FADS2: variants seen among roughly 807,000 people sequenced by gnomAD.
FADS2 encodes acyl-CoA 6-desaturase.
Under a neutral mutation model 61.2 loss-of-function variants are expected in FADS2, and 18 were observed. The ratio of observed to expected loss-of-function variants is 0.29; its 90% CI spans 0.20 to 0.44. FADS2 has a LOEUF of 0.44. Ranked by LOEUF, FADS2 falls within the 20% of genes least tolerant of loss-of-function variation. The pLI is 1.00. For synonymous variants in FADS2, 203 were observed against 223.9 expected, an observed-to-expected ratio of 0.91 and a Z score of 0.83; for missense variants, 322 against 572.7, an observed-to-expected ratio of 0.56 and a Z score of 4.47.
chr11:61,816,919 C>T lies in FADS2; in HGVS notation c.141+493C>T, dbSNP rs2066991209. ...GGGCAGACCGGCGGGCCTCGCAGCGCGCGTTCCCATTGGCCGAGCCTCGTG... is the reference window on the plus strand; with the variant it reads ...GGGCAGACCGGCGGGCCTCGCAGCGTGCGTTCCCATTGGCCGAGCCTCGTG... On this transcript the variant is annotated intron_variant, in intron 1 of 11. Coordinates refer to the FADS2 transcript ENST00000257261. This position sits in a 1 kb window ranked among gnomAD's most constrained non-coding sequence, Gnocchi z 7.0. The T allele has an allele frequency of 1.4e-6, 2 of 1,399,764 alleles. No homozygotes were observed. The highest frequency in any genetic ancestry group is 1.8e-6 in the Non-Finnish European group (2 of 1,087,610). The allele number at this position is 1,399,764 out of a possible 1,614,324, so 86.7% of individuals were successfully genotyped here.
chr11:61,820,613 G>C (rs2067029996), intron 1 of FADS2, among the ~76,000 whole-genome samples: 1 of 152,048 alleles, frequency 6.6e-6, no homozygotes, highest in Non-Finnish European at 1.5e-5. Flanking sequence ...TAAATTTGCT[G>C]AATTGGCCGG....
intron 1 of FADS2, among the ~76,000 whole-genome samples, chr11:61,830,578 C>T (rs1001961233): frequency 6.6e-6 from 1 of 152,190 alleles, no homozygotes; most frequent in African/African-American, 2.4e-5. Context: ...TGCTCCAGCG[C>T]TTTCTGTATA....
intron 2 of FADS2, among the ~76,000 whole-genome samples, chr11:61,839,098 T>G (rs1157270500): frequency 1.3e-5 from 2 of 151,890 alleles, no homozygotes; most frequent in Non-Finnish European, 2.9e-5. Flanking sequence ...AGTTCCTTCT[T>G]CCTCGCAATG....
intron 5 of FADS2, among the ~76,000 whole-genome samples, chr11:61,852,654 C>T (rs944714210): frequency 6.6e-6 from 1 of 152,152 alleles, no homozygotes; most frequent in African/African-American, 2.4e-5. Context: ...GGAGGTTCTC[C>T]AGTACTCGGG....
intron 2 of FADS2, 36 bp from the exon 3 acceptor site, chr11:61,840,298 G>T (rs758753360): frequency 6.4e-7 from 1 of 1,565,644 alleles, no homozygotes; most frequent in Admixed American, 1.7e-5. Flanking sequence ...AGAGTGGCTG[G>T]TGGCTGACTC....
chr11:61,825,196 A>G (rs945222829), upstream of FADS2, among the ~76,000 whole-genome samples: 2 of 152,306 alleles, frequency 1.3e-5, no homozygotes, highest in Middle Eastern at 3.4e-3. Flanking sequence ...ATCTTGGTAA[A>G]TGGTCCCATT....
chr11:61,865,585 C>A lies in FADS2; in HGVS notation c.1284-53C>A. The A allele has an allele frequency of 6.4e-7, 1 of 1,554,310 alleles. No individual in the cohort carries two copies. The highest frequency in any genetic ancestry group is 8.9e-7 in the Non-Finnish European group (1 of 1,129,594). ...ATGGCCTCCTCAGCCCTTGCACTCC[C>A]TGGGGCCACTCCCGTCCTGGTCCCT... On this transcript the variant is annotated intron_variant, in intron 11 of 11. Transcript: ENST00000278840. The surrounding 1 kb of genome is among the most constrained non-coding windows in gnomAD (Gnocchi z 4.1).
rs377056210 is a variant in FADS2 at position 61,857,591 on chromosome 11, G to A, written c.882+61G>A. 7.1e-5 allele frequency: 104 copies of A among 1,454,952 alleles called. 1 individual carries two copies. The highest frequency in any genetic ancestry group is 4.4e-4 in the South Asian group (39 of 87,726). 90.1% of individuals were successfully genotyped at this position (1,454,952 alleles called of 1,614,324 possible). A position where few individuals can be genotyped will look rare whatever the true frequency, so the allele number is the denominator to read the frequency against. On this transcript the variant is annotated intron_variant, in intron 7 of 11. Coordinates refer to ENST00000278840, the MANE Select transcript of FADS2 (RefSeq NM_004265.4). ...GAGGGTGACTGGGACAGGGGGACCC[G>A]GGGGTCCTACGCTGCCTCCTCGTGT...
At chr11:61,824,039 A>G (rs2067050802), upstream of FADS2, among the ~76,000 whole-genome samples, 1 of 152,086 alleles carries the variant, frequency 6.6e-6, no homozygotes, top group African/African-American at 2.4e-5. Flanking sequence ...ACTTTCACAT[A>G]CCTTGTGTCC....
rs1324787768 is a variant in FADS2 at position 61,816,277 on chromosome 11, G to A, written c.-9G>A. The A allele has an allele frequency of 2.5e-6, 4 of 1,598,192 alleles. No individual in the cohort carries two copies. The highest frequency in any genetic ancestry group is 2.7e-5 in the African/African-American group (2 of 74,902). On this transcript the variant is annotated 5_prime_UTR_variant, in exon 1 of 12. Transcript: ENST00000257261. The surrounding 1 kb of genome is among the most constrained non-coding windows in gnomAD (Gnocchi z 7.0). The stretch of plus-strand genomic sequence containing the variant: ...GCCCAGAGACCTGAGGCTCGGGGCT[G>A]CAGATGGAATGCACGGCAGGGAGGC...
At chr11:61,827,960 A>G, upstream of FADS2, 1 of 860,858 alleles carries the variant, frequency 1.2e-6, no homozygotes, top group Non-Finnish European at 1.4e-6. This position sits in a 1 kb window ranked among gnomAD's most constrained non-coding sequence, Gnocchi z 4.5. Flanking sequence ...AGGCGGGGCG[A>G]CGCGACCGGA....
chr11:61,824,274 C>T (rs952696404), upstream of FADS2, among the ~76,000 whole-genome samples: 16 of 151,194 alleles, frequency 1.1e-4, no homozygotes, highest in South Asian at 2.1e-4. Context: ...CCCAGCTACT[C>T]GGGAGGCTGA....
Position 61,866,432 on chromosome 11 carries a change from G to C in FADS2, c.*743G>C, listed in dbSNP as rs758940319. 5 of 158,650 alleles carry C rather than the reference G, an allele frequency of 3.2e-5. No homozygotes were observed. The highest frequency in any genetic ancestry group is 1.2e-4 in the African/African-American group (5 of 41,744). 9.8% of individuals were successfully genotyped at this position (158,650 alleles called of 1,614,324 possible). ...TGAGCCTGTGACCTTGGGACCAAAG[G>C]GGGAGTCCCTCGTCTCTTGTGACTC... On this transcript the variant is annotated 3_prime_UTR_variant, in exon 12 of 12. Transcript: ENST00000278840.
At chr11:61,836,246 C>T (rs752749953) in intron 1 of FADS2, among the ~76,000 whole-genome samples, 3 of 151,830 alleles carry the variant, frequency 2.0e-5, no homozygotes, top group East Asian at 1.9e-4. Context: ...TACAGGCGTG[C>T]GCCGCTACAC....
chr11:61,836,249 C>T (rs758510633), intron 1 of FADS2, among the ~76,000 whole-genome samples: 43 of 152,160 alleles, frequency 2.8e-4, no homozygotes, highest in Non-Finnish European at 5.7e-4. Flanking sequence ...AGGCGTGCGC[C>T]GCTACACCTG....
chr11:61,845,450 C>T (rs181785497), intron 4 of FADS2, among the ~76,000 whole-genome samples: 12 of 152,206 alleles, frequency 7.9e-5, no homozygotes, highest in Admixed American at 3.3e-4. Context: ...TCCCGGTGCC[C>T]GGAAGGAGGG....
At chr11:61,863,898 G>A (rs2067438968) in intron 10 of FADS2, 112 bp downstream of exon 10, 2 of 892,536 alleles carry the variant, frequency 2.2e-6, no homozygotes, top group Admixed American at 1.9e-5. Context: ...TCTCTGACAA[G>A]GTCTCTGCCC....
intron 7 of FADS2, among the ~76,000 whole-genome samples, chr11:61,858,878 C>G (rs988728854): frequency 6.6e-6 from 1 of 152,134 alleles, no homozygotes; most frequent in African/African-American, 2.4e-5. Context: ...CCACTGCACC[C>G]GGCAGATAAA....
intron 1 of FADS2, among the ~76,000 whole-genome samples, chr11:61,829,035 G>T (rs1182419468): frequency 6.6e-6 from 1 of 152,248 alleles, no homozygotes; most frequent in East Asian, 1.9e-4. Context: ...GGGACTCCGC[G>T]CTTGTCCCGC....
Sources: allele counts gnomAD v4.1 joint callset (sites outside exome capture counted in the v4.1 genomes callset), GRCh38; gene constraint gnomAD v4.1.1; non-coding constraint Gnocchi (gnomAD v3.1); transcripts MANE v1.5; gene names NCBI Gene and HGNC (gene_info 2026-07-23, HGNC 2026-07-21).